The following FKBP15 variants were observed in gnomAD, a reference collection of about 807,000 sequenced individuals.
FKBP15 encodes the protein FK506-binding protein 15.
A neutral mutation model predicts 158.1 loss-of-function variants in FKBP15; 106 were observed. The ratio of observed to expected loss-of-function variants is 0.67; its 90% CI spans 0.57 to 0.79. FKBP15 has a LOEUF of 0.79. FKBP15 is among the 30% of genes least tolerant of loss of function. The pLI, the probability that FKBP15 is intolerant of heterozygous loss-of-function variation, is 0.00. For synonymous variants in FKBP15, 547 were observed against 548.6 expected, an observed-to-expected ratio of 1.00 and a Z score of 0.04; for missense variants, 1,287 against 1,479.1, an observed-to-expected ratio of 0.87 and a Z score of 2.13.
At position 113,184,775 on chromosome 9, in the gene FKBP15, T is replaced by G; in HGVS notation, c.1528A>C (p.Thr510Pro). Residue 510 changes from threonine (T) to proline (P), a missense_variant, in exon 16 of 28, where the codon ACT (threonine) becomes CCT (proline). Coordinates refer to ENST00000238256, the MANE Select transcript of FKBP15 (RefSeq NM_015258.2). This position sits in a 1 kb window ranked among gnomAD's most constrained non-coding sequence, Gnocchi z 4.5. ...GSGDMASFLM[T>P]EARQHNTEIR... is the part of the protein sequence containing the mutation. ...TCAGTGTTATGTTGCCGGGCTTCAG[T>G]CATGAGAAATGAAGCCATATCACCT... 1 of 1,603,694 alleles carries G rather than the reference T, an allele frequency of 6.2e-7. No individual in the cohort carries two copies. The highest frequency in any genetic ancestry group is 8.5e-7 in the Non-Finnish European group (1 of 1,174,902).
At chr9:113,181,835 A>C (rs1830403102) in intron 19 of FKBP15, among the ~76,000 whole-genome samples, 2 of 152,214 alleles carry the variant, frequency 1.3e-5, no homozygotes, top group South Asian at 4.1e-4. Context: ...GGGAGTGGTG[A>C]AGTGACTTCA....
At position 113,187,874 on chromosome 9, in the gene FKBP15, G is replaced by A; in HGVS notation, c.1302C>T (p.Leu434=). 1 of 1,613,848 alleles carries A rather than the reference G, an allele frequency of 6.2e-7. No homozygotes were observed. Among genetic ancestry groups the A allele is most frequent in the Non-Finnish European group, 8.5e-7 (1 of 1,179,788 alleles). Residue 434 remains leucine (L), a synonymous_variant, in exon 14 of 28, where the codon CTC becomes CTT. Transcript: ENST00000238256. ...GCATTAAGGCAGCAGAAGGTGCCTGGAGCCCAGTAACAGATGGCTGAGGTG... is the reference window on the plus strand; with the variant it reads ...GCATTAAGGCAGCAGAAGGTGCCTGAAGCCCAGTAACAGATGGCTGAGGTG... The part of the protein sequence containing the change: ...SQAPQPSVTG[L]QAPSAALMQV...
rs1176127636 is a variant in FKBP15 at position 113,198,702 on chromosome 9, A to C, written c.717+153T>G. On this transcript the variant is annotated intron_variant, in intron 8 of 27. Coordinates refer to ENST00000238256, the MANE Select transcript of FKBP15 (RefSeq NM_015258.2). The surrounding 1 kb of genome is among the most constrained non-coding windows in gnomAD (Gnocchi z 5.2). ...GGGAGGTGGAGGTTGCAATGAGCCA[A>C]GATCGTGCCATTGCACTCCAGCTTG... Among the ~76,000 whole-genome samples the C allele has an allele frequency of 6.6e-6, 1 of 152,246 alleles. No homozygotes were observed. Among genetic ancestry groups the C allele is most frequent in the Admixed American group, 6.5e-5 (1 of 15,286 alleles).
At chr9:113,197,701 G>A (rs10981682) in intron 8 of FKBP15, among the ~76,000 whole-genome samples, 32,138 of 152,156 alleles carry the variant, frequency 0.21, 3,836 homozygotes, top group African/African-American at 0.3. Context: ...TCTAGGAAGT[G>A]TGGAAAATGC....
chr9:113,162,922 T>G lies in FKBP15; in HGVS notation c.*3156A>C. Reference sequence around the variant, plus strand: ...CCACTTCTCAGCACAGCTTAGCTGGTGAGGAACGTGCAGGCACTGAGGCTG... The same window carrying G: ...CCACTTCTCAGCACAGCTTAGCTGGGGAGGAACGTGCAGGCACTGAGGCTG... On this transcript the variant is annotated 3_prime_UTR_variant, in exon 28 of 28. Transcript: ENST00000238256. 6.2e-7 allele frequency: 1 copy of G among 1,601,978 alleles called. No individual in the cohort carries two copies. Among genetic ancestry groups the G allele is most frequent in the Non-Finnish European group, 8.5e-7 (1 of 1,174,554 alleles).
At chr9:113,174,188 A>G (rs1244090615) in intron 22 of FKBP15, among the ~76,000 whole-genome samples, 1 of 152,094 alleles carries the variant, frequency 6.6e-6, no homozygotes, top group Non-Finnish European at 1.5e-5. Context: ...TAAGGAAACT[A>G]TTTTTCATTT....
Position 113,184,154 on chromosome 9 carries a change from A to AT in FKBP15, c.1716+137dup. On this transcript the variant is annotated intron_variant, in intron 17 of 27. Transcript: ENST00000238256. The surrounding 1 kb of genome is among the most constrained non-coding windows in gnomAD (Gnocchi z 4.5). ...CTTGGACAGAATTAAGCCATAATGGATTTTCTAGAATTGTCTAACCCAGTG... is the reference window on the plus strand; with the variant it reads ...CTTGGACAGAATTAAGCCATAATGGATTTTTCTAGAATTGTCTAACCCAGTG... 1.6e-6 allele frequency: 1 copy of AT among 643,786 alleles called. No homozygotes were observed. Among genetic ancestry groups the AT allele is most frequent in the South Asian group, 2.0e-5 (1 of 50,412 alleles). 39.9% of individuals were successfully genotyped at this position (643,786 alleles called of 1,614,324 possible). A position where few individuals can be genotyped will look rare whatever the true frequency, so the allele number is the denominator to read the frequency against.
rs1273091891 is a variant in FKBP15, at chr9:113,163,752, C to T, written c.*2326G>A. ...GGCCGTGGGTGTCTGGGAAGCTCTT[C>T]GTGGCCTCAATGCCCTCCTTTATCC... On this transcript the variant is annotated 3_prime_UTR_variant, in exon 28 of 28. Coordinates refer to ENST00000238256, the MANE Select transcript of FKBP15 (RefSeq NM_015258.2). The T allele has an allele frequency of 6.6e-6, 1 of 152,522 alleles. No homozygotes were observed. The allele number at this position is 152,522 out of a possible 1,614,324, so 9.4% of individuals were successfully genotyped here.
chr9:113,170,021 A>C, intron 25 of FKBP15, 79 bp from the exon 26 acceptor site: 1 of 1,436,812 alleles, frequency 7.0e-7, no homozygotes, highest in Non-Finnish European at 9.1e-7. Flanking sequence ...ACTACTGGTC[A>C]TGTAGTTTAA....
intron 4 of FKBP15, among the ~76,000 whole-genome samples, chr9:113,203,640 G>A (rs930693102): frequency 6.6e-6 from 1 of 151,384 alleles, no homozygotes; most frequent in African/African-American, 2.4e-5. Flanking sequence ...CAATTCTCCT[G>A]CCTCAGGCTC....
At chr9:113,185,436 G>T (rs1011045374) in intron 15 of FKBP15, among the ~76,000 whole-genome samples, 5 of 152,154 alleles carry the variant, frequency 3.3e-5, no homozygotes, top group African/African-American at 1.2e-4. Context: ...AGATGGAGAA[G>T]GGCAGAGCTT....
chr9:113,192,067 G>A (rs1271194836), intron 11 of FKBP15, among the ~76,000 whole-genome samples: 3 of 151,726 alleles, frequency 2.0e-5, no homozygotes, highest in African/African-American at 4.8e-5. Flanking sequence ...ATAGTTGGAG[G>A]CCATTAGTCT....
At chr9:113,182,355 T>G (rs1830414292) in intron 19 of FKBP15, among the ~76,000 whole-genome samples, 1 of 152,162 alleles carries the variant, frequency 6.6e-6, no homozygotes, top group South Asian at 2.1e-4. Flanking sequence ...TTCCTGGTTT[T>G]GAAAGGATTG....
intron 1 of FKBP15, among the ~76,000 whole-genome samples, chr9:113,220,219 G>A (rs1412636355): frequency 6.6e-6 from 1 of 152,226 alleles, no homozygotes; most frequent in Non-Finnish European, 1.5e-5. Context: ...AGCAGAATAA[G>A]GGGCATATGT....
chr9:113,169,958 G>C lies in FKBP15; in HGVS notation c.2767-16C>G. The C allele has an allele frequency of 6.6e-7, 1 of 1,522,472 alleles. No homozygotes were observed. Among genetic ancestry groups the C allele is most frequent in the Non-Finnish European group, 8.8e-7 (1 of 1,137,892 alleles). The allele number at this position is 1,522,472 out of a possible 1,614,324, so 94.3% of individuals were successfully genotyped here. On this transcript the variant is annotated splice_polypyrimidine_tract_variant and intron_variant, in intron 25 of 27. Transcript: ENST00000238256. Reference sequence around the variant, plus strand: ...GAGTCACCATCTATTCAAAAGCCAAGGAAGAGATGGTCACTGAAAGGAACA... The same window carrying C: ...GAGTCACCATCTATTCAAAAGCCAACGAAGAGATGGTCACTGAAAGGAACA...
At chr9:113,185,235 G>C (rs1830465795) in intron 15 of FKBP15, among the ~76,000 whole-genome samples, 1 of 152,210 alleles carries the variant, frequency 6.6e-6, no homozygotes, top group Non-Finnish European at 1.5e-5. Flanking sequence ...CATTACAAGA[G>C]AGTGTATTAA....
rs532637956 is a variant in FKBP15 at position 113,180,642 on chromosome 9, C to T, written c.1915-1841G>A. ...AAGGTAGAAGCAGGAAAATAGTACT[C>T]AAGAGAGATAATAATTTGACACAGG... On this transcript the variant is annotated intron_variant, in intron 19 of 27. Transcript: ENST00000238256. Among the ~76,000 whole-genome samples, 33 of 152,144 alleles carry T rather than the reference C, an allele frequency of 2.2e-4. No homozygotes were observed. In the South Asian group the frequency reaches 5.2e-3, roughly 24 times the overall value.
At chr9:113,205,998 C>T (rs1830878646) in intron 4 of FKBP15, 2 of 152,534 alleles carry the variant, frequency 1.3e-5, no homozygotes, top group Admixed American at 1.3e-4. Context: ...GAGATTTGAC[C>T]TTATGGGCAG....
At chr9:113,201,116 C>A (rs530823002) in intron 6 of FKBP15, among the ~76,000 whole-genome samples, 1 of 140,512 alleles carries the variant, frequency 7.1e-6, no homozygotes, top group African/African-American at 2.7e-5. Flanking sequence ...TTTTTTTTAA[C>A]CAAGTGAAGA....
Sources: gnomAD v4.1 joint callset for allele counts (sites outside exome capture counted in the v4.1 genomes callset) on GRCh38, gnomAD v4.1.1 for gene constraint, Gnocchi (gnomAD v3.1) non-coding constraint, MANE v1.5 for transcripts, NCBI Gene and HGNC (gene_info 2026-07-23, HGNC 2026-07-21) for gene names.